Variants in HDAC9 observed in about 807,000 individuals in gnomAD.
HDAC9 encodes the protein MEF-2 interacting transcription repressor (MITR) protein.
A neutral mutation model predicts 139.4 loss-of-function variants in HDAC9; 41 were observed. The ratio of observed to expected loss-of-function variants is 0.29; its 90% CI spans 0.23 to 0.38. The LOEUF (loss-of-function observed/expected upper bound fraction) is 0.38, where lower values mean the gene tolerates loss of function less well. Ranked by LOEUF, HDAC9 falls within the 10% of genes least tolerant of loss-of-function variation. The probability of loss-of-function intolerance (pLI) is 1.00; values close to 1 mark genes in which losing one functional copy is unlikely to be tolerated. For synonymous variants in HDAC9, 517 were observed against 476.2 expected (o/e 1.09, Z -1.12); for missense variants, 1,147 against 1,297.0 (o/e 0.88, Z 1.78).
intron 11 of HDAC9, among the ~76,000 whole-genome samples, chr7:18,654,055 G>A (rs1045488254): frequency 1.3e-5 from 2 of 151,996 alleles, no homozygotes; most frequent in Non-Finnish European, 2.9e-5. Context: ...ACTATTTTGT[G>A]CACTATTGAA....
intron 2 of HDAC9, among the ~76,000 whole-genome samples, chr7:18,584,140 CTTTTT>C (rs3084518): frequency 1.3e-4 from 14 of 107,754 alleles, no homozygotes; most frequent in Non-Finnish European, 1.8e-4. Flanking sequence ...AAGCAGCATT[CTTTTT>C]TTTTTTTTTT....
At chr7:18,104,896 C>T (rs979092135) in intron 1 of HDAC9, among the ~76,000 whole-genome samples, 5 of 151,796 alleles carry the variant, frequency 3.3e-5, no homozygotes, top group Non-Finnish European at 7.4e-5. Flanking sequence ...TTTCCTTTTC[C>T]TCCCCCTTTG....
chr7:18,438,591 G>A (rs927087307), intron 1 of HDAC9, among the ~76,000 whole-genome samples: 1 of 151,046 alleles, frequency 6.6e-6, no homozygotes, highest in South Asian at 2.1e-4. Context: ...TCTAGACATG[G>A]AAAGATGTCC....
In HDAC9 at chr7:18,641,416, C is replaced by T. The variant is rs1056937307; in HGVS notation, c.913-3255C>T. On this transcript the variant is annotated intron_variant, in intron 8 of 25. Transcript: ENST00000686413. ...GTCAAAGAATTAGCTCTTTACTTTT[C>T]TGTGCACCTAACTACCATGTGAATT... Among the ~76,000 whole-genome samples, 3 of 100,078 alleles carry T rather than the reference C, an allele frequency of 3.0e-5. No homozygotes were observed. In the East Asian group the frequency reaches 7.1e-4, roughly 24 times the overall value. The allele number at this position is 100,078 out of a possible 152,430, so 65.7% of individuals were successfully genotyped here. A position where few individuals can be genotyped will look rare whatever the true frequency, so the allele number is the denominator to read the frequency against.
chr7:18,585,133 C>T, intron 2 of HDAC9, 148 bp from the exon 3 acceptor site: 1 of 859,584 alleles, frequency 1.2e-6, no homozygotes, highest in Non-Finnish European at 1.8e-6. Context: ...GACTTTATAT[C>T]ATCATTGTAA....
chr7:18,789,246 A>G (rs1792085482), intron 16 of HDAC9, among the ~76,000 whole-genome samples: 1 of 151,378 alleles, frequency 6.6e-6, no homozygotes, highest in Non-Finnish European at 1.5e-5. Flanking sequence ...CTTTCAGCTC[A>G]TGTACTATTA....
chr7:18,300,191 AT>A (rs200511894), intron 1 of HDAC9, among the ~76,000 whole-genome samples: 1,123 of 142,394 alleles, frequency 7.9e-3, no homozygotes, highest in Middle Eastern at 0.011. Context: ...TTTTTTGCAA[AT>A]TTTTTTTTTT....
At chr7:18,832,295 G>A (rs1349506014) in intron 19 of HDAC9, among the ~76,000 whole-genome samples, 1 of 152,166 alleles carries the variant, frequency 6.6e-6, no homozygotes, top group Admixed American at 6.5e-5. Context: ...TAGATTTTGG[G>A]AAATTGCGTT....
intron 13 of HDAC9, among the ~76,000 whole-genome samples, chr7:18,734,276 A>G (rs1584940843): frequency 6.6e-6 from 1 of 152,186 alleles, no homozygotes; most frequent in East Asian, 1.9e-4. Flanking sequence ...CATGAGCACA[A>G]CGTGCAGGTT....
At chr7:18,426,417 A>G (rs565410912) in intron 1 of HDAC9, among the ~76,000 whole-genome samples, 20 of 152,358 alleles carry the variant, frequency 1.3e-4, no homozygotes, top group African/African-American at 4.8e-4. Context: ...TAACAATGAT[A>G]CTTAATATTA....
intron 11 of HDAC9, among the ~76,000 whole-genome samples, chr7:18,664,262 G>T (rs571718818): frequency 6.6e-6 from 1 of 151,976 alleles, no homozygotes. Context: ...TCCTTCTCCC[G>T]ACTGCCCAGT....
At chr7:18,719,010 C>A (rs1257095429) in intron 12 of HDAC9, among the ~76,000 whole-genome samples, 1 of 151,960 alleles carries the variant, frequency 6.6e-6, no homozygotes. Context: ...TTTACAAATC[C>A]CTGATAGCTA....
chr7:18,519,370 G>C (rs1212354544), intron 2 of HDAC9, among the ~76,000 whole-genome samples: 1 of 152,202 alleles, frequency 6.6e-6, no homozygotes, highest in South Asian at 2.1e-4. Context: ...TATATTAAAT[G>C]CTCAAGAGGT....
chr7:18,265,380 C>T (rs1281170740), intron 2 of HDAC9, among the ~76,000 whole-genome samples: 1 of 152,158 alleles, frequency 6.6e-6, no homozygotes, highest in African/African-American at 2.4e-5. Flanking sequence ...CACGGAATTT[C>T]TAGGTTCAAA....
chr7:18,184,792 G>A lies in HDAC9; in HGVS notation c.25+22443G>A, dbSNP rs1789776045. On this transcript the variant is annotated intron_variant, in intron 2 of 12. Coordinates refer to the HDAC9 transcript ENST00000417496. ...ATTGAATAAAAAGGATTTCAGAACA[G>A]CTATATAGTTGTGTCAGATATTTTA... is the stretch of plus-strand genomic sequence containing the variant. Among the ~76,000 whole-genome samples, 5 of 152,134 alleles carry A rather than the reference G, an allele frequency of 3.3e-5. No homozygotes were observed. The South Asian group carries it at 1.0e-3, about 31-fold the overall frequency.
At chr7:18,611,810 A>T (rs918410909) in intron 6 of HDAC9, among the ~76,000 whole-genome samples, 3 of 152,172 alleles carry the variant, frequency 2.0e-5, no homozygotes, top group Non-Finnish European at 4.4e-5. Context: ...ATCTTTTTAG[A>T]AATAGCATAT....
chr7:18,866,953 G>A (rs1450079970), intron 21 of HDAC9, among the ~76,000 whole-genome samples: 1 of 152,186 alleles, frequency 6.6e-6, no homozygotes, highest in Non-Finnish European at 1.5e-5. Flanking sequence ...TGATTCTGAG[G>A]AAGTTCAGAA....
At chr7:18,446,717 A>G (rs561294390) in intron 1 of HDAC9, among the ~76,000 whole-genome samples, 33 of 152,316 alleles carry the variant, frequency 2.2e-4, no homozygotes, top group Admixed American at 1.3e-3. Context: ...TGTAGAACAT[A>G]TATTCCAAGT....
In HDAC9 at chr7:18,090,230, G is replaced by A. The variant is rs185559256; in HGVS notation, c.-97+3017G>A. 8.9e-4 allele frequency among the ~76,000 whole-genome samples: 136 copies of A among 152,276 alleles called. 2 individuals carry two copies. In the East Asian group the frequency reaches 0.023, roughly 26 times the overall value. ...GCTGAGCTTAACATCTATATTTCCT[G>A]TATTTTAATTATGAGAGCAAGCTGC... On this transcript the variant is annotated intron_variant, in intron 1 of 12. Coordinates refer to the HDAC9 transcript ENST00000417496.
Sources: gnomAD v4.1 joint callset for allele counts (sites outside exome capture counted in the v4.1 genomes callset) on GRCh38, gnomAD v4.1.1 for gene constraint, MANE v1.5 for transcripts, NCBI Gene and HGNC (gene_info 2026-07-23, HGNC 2026-07-21) for gene names.